Variants in CGNL1 observed in about 807,000 individuals in gnomAD.
The protein encoded by CGNL1 is cingulin like 1.
A neutral mutation model predicts 141.2 loss-of-function variants in CGNL1; 132 were observed. The observed-to-expected ratio is 0.93, with a 90% CI of 0.81 to 1.08. The LOEUF (loss-of-function observed/expected upper bound fraction) is 1.08, where lower values mean the gene tolerates loss of function less well. Among genes scored for constraint, CGNL1 ranks in the 50% least tolerant of loss-of-function variants. CGNL1 has a pLI of 0.00. For synonymous variants in CGNL1, 690 were observed against 622.1 expected (o/e 1.11, Z -1.63); for missense variants, 1,870 against 1,588.6 (o/e 1.18, Z -3.01).
At chr15:57,481,284 A>G (rs910918020) in intron 8 of CGNL1, among the ~76,000 whole-genome samples, 2 of 152,264 alleles carry the variant, frequency 1.3e-5, no homozygotes, top group East Asian at 3.9e-4. Context: ...TGAGATATAG[A>G]ACATTTACAT....
intron 1 of CGNL1, among the ~76,000 whole-genome samples, chr15:57,429,038 TAA>T (rs58040196): frequency 1.4e-5 from 2 of 141,948 alleles, no homozygotes; most frequent in African/African-American, 2.6e-5. Flanking sequence ...ACAACAGCAA[TAA>T]AAAAAAAAAA....
rs2063346153 is a variant in CGNL1, at chr15:57,453,672, T to C, written c.2055-11T>C. The C allele has an allele frequency of 1.2e-6, 2 of 1,613,314 alleles. No homozygotes were observed. The highest frequency in any genetic ancestry group is 1.7e-5 in the Admixed American group (1 of 59,936). On this transcript the variant is annotated splice_polypyrimidine_tract_variant and intron_variant, in intron 6 of 18. Transcript: ENST00000281282. Reference sequence around the variant, plus strand: ...AGAAGAGCCTGTCTAATGGGCTTCCTTCCCTGCCAGGCTATTCCAGGTGAA... The same window carrying C: ...AGAAGAGCCTGTCTAATGGGCTTCCCTCCCTGCCAGGCTATTCCAGGTGAA...
chr15:57,421,145 T>C (rs548878215), intron 1 of CGNL1, among the ~76,000 whole-genome samples: 1 of 152,252 alleles, frequency 6.6e-6, no homozygotes, highest in East Asian at 1.9e-4. Context: ...GGAAAGGCCG[T>C]GTGAGAACAT....
At chr15:57,463,402 A>T (rs966621476) in intron 8 of CGNL1, among the ~76,000 whole-genome samples, 1 of 152,202 alleles carries the variant, frequency 6.6e-6, no homozygotes, top group South Asian at 2.1e-4. Context: ...ATATTAACTC[A>T]TAGTATTTTC....
rs2033056818 is a variant in CGNL1 at position 57,550,315 on chromosome 15, G to C, written c.*2825G>C. ...CATGGATTACCTGGAACAAAGTGCA[G>C]ATTAGTGCCCACGGTCCTTTCCAGG... On this transcript the variant is annotated 3_prime_UTR_variant, in exon 19 of 19. Coordinates refer to ENST00000281282, the MANE Select transcript of CGNL1 (RefSeq NM_032866.5). 1 of 152,648 alleles carries C rather than the reference G, an allele frequency of 6.6e-6. No homozygotes were observed. The highest frequency in any genetic ancestry group is 1.5e-5 in the Non-Finnish European group (1 of 68,040). 9.5% of individuals were successfully genotyped at this position (152,648 alleles called of 1,614,324 possible).
At chr15:57,390,801 G>A (rs2062534451) in intron 1 of CGNL1, among the ~76,000 whole-genome samples, 1 of 152,016 alleles carries the variant, frequency 6.6e-6, no homozygotes, top group South Asian at 2.1e-4. Flanking sequence ...CCTATCTGTG[G>A]GAGGAGCAGA....
chr15:57,411,954 C>T (rs778486066), intron 1 of CGNL1, among the ~76,000 whole-genome samples: 4 of 152,154 alleles, frequency 2.6e-5, no homozygotes, highest in African/African-American at 4.8e-5. Context: ...ATTCCATCAG[C>T]GCTCATATTT....
At chr15:57,420,034 C>A (rs2152281292) in intron 1 of CGNL1, among the ~76,000 whole-genome samples, 1 of 152,286 alleles carries the variant, frequency 6.6e-6, no homozygotes, top group South Asian at 2.1e-4. Context: ...ATTGGGAGAT[C>A]TTTTAGTTGG....
At chr15:57,420,748 T>A in intron 1 of CGNL1, among the ~76,000 whole-genome samples, 1 of 152,228 alleles carries the variant, frequency 6.6e-6, no homozygotes, top group East Asian at 1.9e-4. Context: ...AGTTAGATTC[T>A]TTTTAGTCTG....
chr15:57,431,530 A>T (rs1217250027), intron 1 of CGNL1, among the ~76,000 whole-genome samples: 8 of 152,174 alleles, frequency 5.3e-5, no homozygotes, highest in African/African-American at 9.7e-5. Context: ...CATCTGGTTG[A>T]GGTTCTAGTG....
chr15:57,381,080 G>A (rs2062419165), intron 1 of CGNL1, among the ~76,000 whole-genome samples: 1 of 152,176 alleles, frequency 6.6e-6, no homozygotes, highest in African/African-American at 2.4e-5. Flanking sequence ...GACCCATAGG[G>A]CTAATAACCT....
intron 8 of CGNL1, among the ~76,000 whole-genome samples, chr15:57,471,721 A>T (rs2063584072): frequency 1.3e-5 from 2 of 152,228 alleles, no homozygotes; most frequent in African/African-American, 4.8e-5. Context: ...AATAGGCTCA[A>T]ACCACTCAGA....
intron 1 of CGNL1, among the ~76,000 whole-genome samples, chr15:57,388,312 G>C (rs921203207): frequency 6.6e-6 from 1 of 152,124 alleles, no homozygotes; most frequent in South Asian, 2.1e-4. Flanking sequence ...CCTGGGAAAA[G>C]CTAAAATAAA....
At chr15:57,404,668 T>C (rs2062695442) in intron 1 of CGNL1, among the ~76,000 whole-genome samples, 1 of 152,204 alleles carries the variant, frequency 6.6e-6, no homozygotes, top group African/African-American at 2.4e-5. Flanking sequence ...ACTTCAGCTT[T>C]AGAGCACCCT....
chr15:57,539,851 ATCGCCCAGT>A (rs1232541373), intron 14 of CGNL1, among the ~76,000 whole-genome samples: 1 of 152,176 alleles, frequency 6.6e-6, no homozygotes, highest in Admixed American at 6.5e-5. Context: ...TTCCACCGGC[ATCGCCCAGT>A]TGGCCCCACA....
chr15:57,486,831 C>T (rs1215696245), intron 8 of CGNL1, among the ~76,000 whole-genome samples: 1 of 152,168 alleles, frequency 6.6e-6, no homozygotes, highest in African/African-American at 2.4e-5. Flanking sequence ...TGGTTGGGCC[C>T]AACAGCTGCT....
At chr15:57,469,839 T>A (rs2063557325) in intron 8 of CGNL1, among the ~76,000 whole-genome samples, 14 of 152,222 alleles carry the variant, frequency 9.2e-5, no homozygotes, top group Admixed American at 9.2e-4. Context: ...TTTCTAGTTT[T>A]GTCCCTTCCC....
At chr15:57,526,035 T>G (rs10518926) in intron 12 of CGNL1, among the ~76,000 whole-genome samples, 53,122 of 151,964 alleles carry the variant, frequency 0.35, 10,304 homozygotes, top group East Asian at 0.54. Context: ...CCGTTGCGTT[T>G]TATATAATGA....
chr15:57,384,067 T>A (rs1434401908), intron 1 of CGNL1, among the ~76,000 whole-genome samples: 1 of 11,532 alleles, frequency 8.7e-5, no homozygotes, highest in African/African-American at 3.6e-4. Flanking sequence ...CTTTGGGGAG[T>A]GGGGTGGGTG....
Sources: gnomAD v4.1 joint callset for allele counts (sites outside exome capture counted in the v4.1 genomes callset) on GRCh38, gnomAD v4.1.1 for gene constraint, MANE v1.5 for transcripts, NCBI Gene and HGNC (gene_info 2026-07-23, HGNC 2026-07-21) for gene names.